The following HARS2 variants were observed in gnomAD, a reference collection of about 807,000 sequenced individuals.
HARS2 encodes histidyl-tRNA synthetase 2, mitochondrial, also known as histidine--tRNA ligase, mitochondrial.
In HARS2, 40 loss-of-function variants were observed where a neutral mutation model predicts 62.4. The ratio of observed to expected loss-of-function variants is 0.64; its 90% CI spans 0.50 to 0.83. HARS2 has a LOEUF of 0.83. Among genes scored for constraint, HARS2 ranks in the 40% least tolerant of loss-of-function variants. The pLI, the probability that HARS2 is intolerant of heterozygous loss-of-function variation, is 0.00. For missense variants in HARS2, 569 were observed against 626.4 expected, an observed-to-expected ratio of 0.91 and a Z score of 0.98; for synonymous variants, 228 against 227.0, an observed-to-expected ratio of 1.00 and a Z score of -0.04.
chr5:140,693,731 C>A, intron 2 of HARS2, 66 bp downstream of exon 2: 1 of 1,325,040 alleles, frequency 7.5e-7, no homozygotes, highest in Non-Finnish European at 1.1e-6. Context: ...CCTTGCATGT[C>A]TCTCTGACCC....
chr5:140,691,562 C>A lies in HARS2; in HGVS notation c.-87C>A. 1 of 907,482 alleles carries A rather than the reference C, an allele frequency of 1.1e-6. No homozygotes were observed. The highest frequency in any genetic ancestry group is 1.8e-6 in the Non-Finnish European group (1 of 566,608). The allele number at this position is 907,482 out of a possible 1,614,324, so 56.2% of individuals were successfully genotyped here. A position where few individuals can be genotyped will look rare whatever the true frequency, so the allele number is the denominator to read the frequency against. On this transcript the variant is annotated 5_prime_UTR_variant, in exon 1 of 13. Transcript: ENST00000230771. ...CCCTGGTGCGCGGGTTCCGCCTTTG[C>A]AGTGCCCTCCACCCTTCCTGGTGTC...
chr5:140,694,223 C>T lies in HARS2; in HGVS notation c.342C>T (p.Leu114=), dbSNP rs376860640. 5.9e-5 allele frequency: 95 copies of T among 1,613,780 alleles called. No individual in the cohort carries two copies. Among genetic ancestry groups the T allele is most frequent in the South Asian group, 7.7e-5 (7 of 91,086 alleles). ...AGAAGTATGGAGAGGACTCTGGGCT[C>T]ATGTATGATCTGAAGGATCAAGGTG... ...LTEKYGEDSG[L]MYDLKDQGGE... is the part of the protein sequence containing the mutation. The change falls in exon 4 of 13, where the codon CTC becomes CTT. Residue 114 remains leucine, a synonymous_variant. Coordinates refer to ENST00000230771, the MANE Select transcript of HARS2 (RefSeq NM_012208.4).
chr5:140,698,160 G>C, intron 12 of HARS2, 82 bp downstream of exon 12: 1 of 1,315,486 alleles, frequency 7.6e-7, no homozygotes, highest in Non-Finnish European at 1.1e-6. Flanking sequence ...TCTTCTGGCT[G>C]AGAAATTATC....
chr5:140,698,021 T>G lies in HARS2; in HGVS notation c.1404T>G (p.Gly468=), dbSNP rs552664854. ...STGIPLVVII[G]EQELKEGVIK... ...GCATTCCACTGGTGGTCATTATTGG[T>G]GAGCAAGAACTGAAAGAAGGGGTCA... Residue 468 remains glycine (G), a synonymous_variant, in exon 12 of 13, where the codon GGT becomes GGG. Coordinates refer to ENST00000230771, the MANE Select transcript of HARS2 (RefSeq NM_012208.4). 1 of 1,614,120 alleles carries G rather than the reference T, an allele frequency of 6.2e-7. No individual in the cohort carries two copies. The highest frequency in any genetic ancestry group is 8.5e-7 in the Non-Finnish European group (1 of 1,180,000).
chr5:140,694,381 T>C (rs1759668452), intron 4 of HARS2, 101 bp downstream of exon 4: 2 of 817,428 alleles, frequency 2.4e-6, no homozygotes, highest in Non-Finnish European at 4.3e-6. Flanking sequence ...TAGAGGTCCA[T>C]TGCCTATACT....
Position 140,697,010 on chromosome 5 carries a change from G to A in HARS2, c.894G>A (p.Glu298=). The A allele has an allele frequency of 6.2e-7, 1 of 1,614,078 alleles. No homozygotes were observed. The highest frequency in any genetic ancestry group is 8.5e-7 in the Non-Finnish European group (1 of 1,179,988). The change falls in exon 9 of 13, where the codon GAG becomes GAA. Residue 298 remains glutamate (E), a synonymous_variant. Coordinates refer to ENST00000230771, the MANE Select transcript of HARS2 (RefSeq NM_012208.4). The part of the protein sequence containing the change: ...PRLSQNKQAL[E]GLGDLKLLFE... ...TATCCCAGAACAAGCAGGCCCTGGA[G>A]GGCCTGGGAGACCTAAAGCTGCTAT...
chr5:140,696,231 C>A (rs1163013377), intron 7 of HARS2, 30 bp downstream of exon 7: 2 of 1,422,266 alleles, frequency 1.4e-6, no homozygotes, highest in Non-Finnish European at 2.0e-6. Context: ...TCAGTAGACC[C>A]TATCTAGCTT....
At position 140,696,995 on chromosome 5, in the gene HARS2, C is replaced by T; in HGVS notation, c.879C>T (p.Asn293=). 6.2e-7 allele frequency: 1 copy of T among 1,613,974 alleles called. No homozygotes were observed. Among genetic ancestry groups the T allele is most frequent in the Non-Finnish European group, 8.5e-7 (1 of 1,179,914 alleles). ...TTCAGGATCCCAGACTATCCCAGAA[C>T]AAGCAGGCCCTGGAGGGCCTGGGAG... ...QMFQDPRLSQ[N]KQALEGLGDL... The change falls in exon 9 of 13, where the codon AAC becomes AAT. Residue 293 remains asparagine (N), a synonymous_variant. Transcript: ENST00000230771.
At chr5:140,693,331 C>CAAAA in intron 1 of HARS2, 1 of 567,386 alleles carries the variant, frequency 1.8e-6, no homozygotes, top group East Asian at 2.9e-5. Flanking sequence ...GACTCTGTCT[C>CAAAA]AAAAAAAAAA....
chr5:140,696,737 AATTTCTCTTTT>A, intron 8 of HARS2, 123 bp downstream of exon 8: 1 of 939,576 alleles, frequency 1.1e-6, no homozygotes, highest in South Asian at 1.3e-5. Flanking sequence ...TCCTGAATTT[AATTTCTCTTTT>A]ACTTATTGTA....
chr5:140,697,354 G>A lies in HARS2; in HGVS notation c.1145G>A (p.Gly382Glu). The A allele has an allele frequency of 6.2e-7, 1 of 1,614,130 alleles. No homozygotes were observed. Among genetic ancestry groups the A allele is most frequent in the Non-Finnish European group, 8.5e-7 (1 of 1,180,028 alleles). Reference protein sequence around the residue: ...DPKGHKVPCVGLSIGVERIFY... With the variant: ...DPKGHKVPCVELSIGVERIFY... ...AAGGGCCACAAGGTGCCATGTGTGG[G>A]ACTCAGCATTGGGGTTGAGCGAATC... Residue 382 changes from glycine to glutamate, a missense_variant, in exon 10 of 13, where the codon GGA (glycine) becomes GAA (glutamate). Transcript: ENST00000230771.
chr5:140,691,509 T>C lies in HARS2; in HGVS notation c.-140T>C. 1 of 745,724 alleles carries C rather than the reference T, an allele frequency of 1.3e-6. No individual in the cohort carries two copies. Among genetic ancestry groups the C allele is most frequent in the East Asian group, 2.7e-5 (1 of 37,228 alleles). 46.2% of individuals were successfully genotyped at this position (745,724 alleles called of 1,614,324 possible). A position where few individuals can be genotyped will look rare whatever the true frequency, so the allele number is the denominator to read the frequency against. ...AGGATCCCACCTCAGCCTTCGTGAC[T>C]AGTGAGGTGCGCAAACGCCCGAGTT... On this transcript the variant is annotated 5_prime_UTR_variant, in exon 1 of 13. Coordinates refer to ENST00000230771, the MANE Select transcript of HARS2 (RefSeq NM_012208.4).
Position 140,693,628 on chromosome 5 carries a change from A to G in HARS2, c.146A>G (p.His49Arg). 3.1e-6 allele frequency: 5 copies of G among 1,614,176 alleles called. No homozygotes were observed. The highest frequency in any genetic ancestry group is 4.2e-6 in the Non-Finnish European group (5 of 1,179,974). The change falls in exon 2 of 13, where the codon CAT (histidine) becomes CGT (arginine). Residue 49 changes from histidine (H) to arginine (R), a missense_variant. Coordinates refer to ENST00000230771, the MANE Select transcript of HARS2 (RefSeq NM_012208.4). ...EAVLTSQLKA[H>R]QEKPNFIIKT... Reference sequence around the variant, plus strand: ...GTGTTAACATCCCAACTGAAAGCACATCAAGAGAAACCAAATTTTATTATC... The same window carrying G: ...GTGTTAACATCCCAACTGAAAGCACGTCAAGAGAAACCAAATTTTATTATC...
In HARS2 at chr5:140,693,662, A is replaced by G; in HGVS notation, c.180A>G (p.Pro60=). Residue 60 remains proline, a synonymous_variant, in exon 2 of 13, where the codon CCA becomes CCG. Transcript: ENST00000230771. The part of the protein sequence containing the change: ...QEKPNFIIKT[P]KGTRDLSPQH... ...AACCAAATTTTATTATCAAGACCCCAAAGGTAATACTTTTTGCCTACCCTA... is the reference window on the plus strand; with the variant it reads ...AACCAAATTTTATTATCAAGACCCCGAAGGTAATACTTTTTGCCTACCCTA... The G allele has an allele frequency of 1.9e-6, 3 of 1,613,190 alleles. No individual in the cohort carries two copies. The highest frequency in any genetic ancestry group is 2.5e-6 in the Non-Finnish European group (3 of 1,179,106).
Position 140,691,493 on chromosome 5 carries a change from C to T in HARS2, c.-156C>T, listed in dbSNP as rs995108097. Reference sequence around the variant, plus strand: ...ACTAAGGGAACTTGGGAGGATCCCACCTCAGCCTTCGTGACTAGTGAGGTG... The same window carrying T: ...ACTAAGGGAACTTGGGAGGATCCCATCTCAGCCTTCGTGACTAGTGAGGTG... On this transcript the variant is annotated 5_prime_UTR_variant, in exon 1 of 13. Coordinates refer to ENST00000230771, the MANE Select transcript of HARS2 (RefSeq NM_012208.4). 1.1e-5 allele frequency: 8 copies of T among 726,492 alleles called. No homozygotes were observed. Among genetic ancestry groups the T allele is most frequent in the Non-Finnish European group, 1.7e-5 (7 of 420,780 alleles). The allele number at this position is 726,492 out of a possible 1,614,324, so 45.0% of individuals were successfully genotyped here. A position where few individuals can be genotyped will look rare whatever the true frequency, so the allele number is the denominator to read the frequency against.
At chr5:140,695,659 A>G (rs1368756859) in intron 5 of HARS2, 26 bp downstream of exon 5, 34 of 1,614,112 alleles carry the variant, frequency 2.1e-5, no homozygotes, top group African/African-American at 1.9e-4. Flanking sequence ...GGAGCAGCAC[A>G]GTTTGATAGT....
chr5:140,693,778 T>C, intron 2 of HARS2, 113 bp downstream of exon 2: 1 of 1,227,496 alleles, frequency 8.1e-7, no homozygotes, highest in Non-Finnish European at 1.2e-6. Flanking sequence ...TAAAAATATA[T>C]ACTATTCTTG....
chr5:140,697,786 G>GTC (rs1194356942), intron 11 of HARS2, 101 bp downstream of exon 11: 1 of 1,247,934 alleles, frequency 8.0e-7, no homozygotes, highest in African/African-American at 1.5e-5. Flanking sequence ...AACCTTTTTA[G>GTC]TCTGCTAGCT....
intron 11 of HARS2, 104 bp downstream of exon 11, chr5:140,697,789 T>C: frequency 2.4e-6 from 3 of 1,229,068 alleles, no homozygotes; most frequent in Non-Finnish European, 3.6e-6. Flanking sequence ...CTTTTTAGTC[T>C]GCTAGCTACT....
Sources: gnomAD v4.1 joint callset for allele counts on GRCh38, gnomAD v4.1.1 for gene constraint, MANE v1.5 for transcripts, NCBI Gene and HGNC (gene_info 2026-07-23, HGNC 2026-07-21) for gene names.